The following TRPM1 variants were observed in gnomAD, a reference collection of about 807,000 sequenced individuals.
The protein encoded by TRPM1 is TRPM1-203 APA Isoform, Intron 10.
TRPM1 carries 113 observed loss-of-function variants against 149.4 expected under a neutral mutation model. The ratio of observed to expected loss-of-function variants is 0.76; its 90% confidence interval spans 0.65 to 0.88. TRPM1 has a LOEUF of 0.88. TRPM1 is among the 40% of genes least tolerant of loss of function. TRPM1 has a pLI of 0.00. For synonymous variants in TRPM1, 741 were observed against 759.5 expected (o/e 0.98, Z 0.40); for missense variants, 1,976 against 2,038.7 (o/e 0.97, Z 0.59).
chr15:31,082,116 C>T (rs575884262), intron 1 of TRPM1, among the ~76,000 whole-genome samples: 1 of 152,306 alleles, frequency 6.6e-6, no homozygotes, highest in African/African-American at 2.4e-5. Context: ...CTGCAGGTGC[C>T]ACCTGTCCTT....
chr15:31,036,339 T>A (rs1179890988), intron 20 of TRPM1, among the ~76,000 whole-genome samples: 1 of 152,162 alleles, frequency 6.6e-6, no homozygotes, highest in African/African-American at 2.4e-5. Flanking sequence ...CCAAGGAAAC[T>A]TAAGCTTCTG....
intron 22 of TRPM1, among the ~76,000 whole-genome samples, chr15:31,032,233 G>A (rs767434488): frequency 7.9e-5 from 12 of 151,948 alleles, no homozygotes; most frequent in Admixed American, 5.9e-4. Context: ...ACAAAAAAAC[G>A]AGGCTATTTT....
At chr15:31,113,517 A>G (rs759347122) in intron 1 of TRPM1, among the ~76,000 whole-genome samples, 22 of 152,082 alleles carry the variant, frequency 1.4e-4, no homozygotes, top group Non-Finnish European at 2.6e-4. Context: ...AATTTTCCAA[A>G]CTGTCAAAAA....
intron 7 of TRPM1, among the ~76,000 whole-genome samples, chr15:31,064,045 C>T (rs2034305419): frequency 6.6e-6 from 1 of 152,230 alleles, no homozygotes; most frequent in African/African-American, 2.4e-5. Flanking sequence ...CAGTTCAATT[C>T]CTGGCTTCTC....
At chr15:31,081,306 C>CA in intron 2 of TRPM1, 47 bp downstream of exon 2, 6 of 722,372 alleles carry the variant, frequency 8.3e-6, no homozygotes, top group Non-Finnish European at 1.1e-5. Context: ...CGTACTTTCT[C>CA]AGGGGGGGAG....
Position 31,027,101 on chromosome 15 carries a change from C to G in TRPM1, c.3310G>C (p.Val1104Leu). Residue 1104 changes from valine to leucine, a missense_variant, in exon 26 of 28, where the codon GTA (valine) becomes CTA (leucine). By Grantham distance (32) the Val-to-Leu change is conservative. This residue lies in a region of TRPM1 where 72 missense variants were observed against 112.7 expected (regional missense o/e 0.64). Transcript: ENST00000256552. ...CACACCTGGTTGGATATTGATTTTA[C>G]TTCAAAGAAGGTATTGCTTTAAAAA... Reference protein sequence around the residue: ...IAVFNNTFFEVKSISNQVWKF... With the variant: ...IAVFNNTFFELKSISNQVWKF... 3 of 1,614,116 alleles carry G rather than the reference C, an allele frequency of 1.9e-6. No homozygotes were observed. Among genetic ancestry groups the G allele is most frequent in the Non-Finnish European group, 2.5e-6 (3 of 1,180,026 alleles).
intron 3 of TRPM1, among the ~76,000 whole-genome samples, chr15:31,075,909 G>A (rs951172246): frequency 1.2e-4 from 18 of 151,482 alleles, no homozygotes; most frequent in Non-Finnish European, 2.5e-4. Flanking sequence ...TCCATGCTGG[G>A]GACTGCATGG....
chr15:31,084,654 C>T (rs2034948516), intron 1 of TRPM1, among the ~76,000 whole-genome samples: 1 of 150,184 alleles, frequency 6.7e-6, no homozygotes, highest in Admixed American at 6.7e-5. Context: ...CATTTTTTCT[C>T]TCTTTCTTTC....
intron 23 of TRPM1, among the ~76,000 whole-genome samples, chr15:31,029,818 A>G (rs1403987369): frequency 6.6e-6 from 1 of 152,096 alleles, no homozygotes; most frequent in Non-Finnish European, 1.5e-5. Flanking sequence ...AAAAACCTAC[A>G]TTTAATTATG....
chr15:31,032,791 C>G lies in TRPM1; in HGVS notation c.2850G>C (p.Arg950=), dbSNP rs750261380. Residue 950 remains arginine (R), a synonymous_variant, in exon 22 of 28, where the codon CGG becomes CGC. Coordinates refer to ENST00000256552, the MANE Select transcript of TRPM1 (RefSeq NM_001252024.2). The stretch of plus-strand genomic sequence containing the variant: ...AGATGATATCCACACAGTAGATCAC[C>G]CGGCCATAGCCCATGTAGGGCTGGT... ...LQNQPYMGYG[R]VIYCVDIIFW... 1.9e-6 allele frequency: 3 copies of G among 1,614,180 alleles called. No homozygotes were observed. The highest frequency in any genetic ancestry group is 2.5e-6 in the Non-Finnish European group (3 of 1,180,036).
At chr15:31,127,273 C>T (rs1371686461) in intron 1 of TRPM1, among the ~76,000 whole-genome samples, 1 of 152,170 alleles carries the variant, frequency 6.6e-6, no homozygotes, top group East Asian at 1.9e-4. Context: ...TTCTCTGCTA[C>T]TTGGGGCCTC....
intron 11 of TRPM1, among the ~76,000 whole-genome samples, chr15:31,051,665 C>T (rs7163425): frequency 0.037 from 5,574 of 152,276 alleles, 336 homozygotes; most frequent in African/African-American, 0.13. Context: ...TACCTTTCCA[C>T]TCTACTCTCT....
At chr15:31,113,515 A>G (rs918235260) in intron 1 of TRPM1, among the ~76,000 whole-genome samples, 2 of 152,040 alleles carry the variant, frequency 1.3e-5, no homozygotes, top group Admixed American at 1.3e-4. Flanking sequence ...AGAATTTTCC[A>G]AACTGTCAAA....
At chr15:31,041,843 A>C in intron 17 of TRPM1, 108 bp downstream of exon 17, 1 of 1,228,156 alleles carries the variant, frequency 8.1e-7, no homozygotes, top group Non-Finnish European at 1.2e-6. Flanking sequence ...AACAAGCTTT[A>C]ACCACCATTG....
intron 27 of TRPM1, among the ~76,000 whole-genome samples, chr15:31,010,531 TATTG>T (rs542932308): frequency 4.0e-4 from 61 of 152,354 alleles, no homozygotes; most frequent in Non-Finnish European, 6.2e-4. Flanking sequence ...TTCTTTGATC[TATTG>T]ATTATTTAAG....
In TRPM1 at chr15:31,070,057, C is replaced by A. The variant is rs760064389; in HGVS notation, c.253G>T (p.Gly85Cys). 1 of 1,614,166 alleles carries A rather than the reference C, an allele frequency of 6.2e-7. No homozygotes were observed. The highest frequency in any genetic ancestry group is 1.1e-5 in the South Asian group (1 of 91,078). Residue 85 changes from glycine to cysteine, a missense_variant, in exon 4 of 28, where the codon GGT becomes TGT. Gly to Cys is a radical substitution (Grantham distance 159). Transcript: ENST00000256552. ...ATGGCTTTATTGGAATATCCGCCAC[C>A]CTGGAATTCAAGAACTCCATAGGAA... The part of the protein sequence containing the change: ...TDSYGVLEFQ[G>C]GGYSNKAMYI...
At chr15:31,136,068 AG>A (rs2036084339) in intron 1 of TRPM1, among the ~76,000 whole-genome samples, 1 of 151,886 alleles carries the variant, frequency 6.6e-6, no homozygotes, top group African/African-American at 2.4e-5. Context: ...GAACGTGTAT[AG>A]GCGTTTTGGT....
At chr15:31,089,210 G>A (rs1158930630) in intron 1 of TRPM1, among the ~76,000 whole-genome samples, 1 of 152,174 alleles carries the variant, frequency 6.6e-6, no homozygotes, top group African/African-American at 2.4e-5. Context: ...TAGGTAGTTC[G>A]TAATTCTCTG....
At chr15:31,112,196 T>C (rs1196942771) in intron 1 of TRPM1, among the ~76,000 whole-genome samples, 2 of 152,120 alleles carry the variant, frequency 1.3e-5, no homozygotes. Context: ...GATTCAGAAA[T>C]TGAGTGGCTG....
Sources: allele counts gnomAD v4.1 joint callset (sites outside exome capture counted in the v4.1 genomes callset), GRCh38; gene constraint gnomAD v4.1.1; regional missense constraint gnomAD v4.1.1; transcripts MANE v1.5; gene names NCBI Gene and HGNC (gene_info 2026-07-23, HGNC 2026-07-21).